VPS13B: variants seen among roughly 807,000 people sequenced by gnomAD.
VPS13B encodes intermembrane lipid transfer protein VPS13B.
In VPS13B, 285 loss-of-function variants were observed where a neutral mutation model predicts 426.4. The ratio of observed to expected loss-of-function variants is 0.67; its 90% CI spans 0.61 to 0.74. The LOEUF (loss-of-function observed/expected upper bound fraction) is 0.74, where lower values mean the gene tolerates loss of function less well. Among genes scored for constraint, VPS13B ranks in the 30% least tolerant of loss-of-function variants. The pLI is 0.00. For missense variants in VPS13B, 4,537 were observed against 4,782.6 expected (o/e 0.95, Z 1.51); for synonymous variants, 1,676 against 1,676.4 (o/e 1.00, Z 0.01).
chr8:99,516,941 AT>A (rs1398003347), intron 29 of VPS13B, among the ~76,000 whole-genome samples: 3 of 152,148 alleles, frequency 2.0e-5, no homozygotes, highest in African/African-American at 7.2e-5. Flanking sequence ...AGAGTAAGTA[AT>A]CTGTGTCAAA....
chr8:99,279,362 A>T (rs946961836), intron 19 of VPS13B, among the ~76,000 whole-genome samples: 1 of 151,098 alleles, frequency 6.6e-6, no homozygotes, highest in East Asian at 1.9e-4. Context: ...GCTCACTGCA[A>T]CCTCCGCTTC....
intron 3 of VPS13B, among the ~76,000 whole-genome samples, chr8:99,040,350 G>A (rs571813742): frequency 1.3e-5 from 2 of 152,244 alleles, no homozygotes; most frequent in African/African-American, 2.4e-5. Flanking sequence ...GGTTTGTACA[G>A]CAAAAGGTTA....
At position 99,501,681 on chromosome 8, in the gene VPS13B, T is replaced by C; in HGVS notation, c.3871-6T>C. The C allele has an allele frequency of 2.5e-6, 4 of 1,613,952 alleles. No homozygotes were observed. The highest frequency in any genetic ancestry group is 3.4e-6 in the Non-Finnish European group (4 of 1,179,900). On this transcript the variant is annotated splice_region_variant and splice_polypyrimidine_tract_variant and intron_variant, in intron 25 of 61. Coordinates refer to ENST00000357162, the MANE Select transcript of VPS13B (RefSeq NM_152564.5). ...AAAGTAAGATTTTTTTTTCTCCTCA[T>C]CCCAGGGAGATTCTATACAAGCAGG...
intron 33 of VPS13B, among the ~76,000 whole-genome samples, chr8:99,633,836 T>TGTGTGTGTGTGTGTGC: frequency 1.3e-5 from 2 of 151,450 alleles, no homozygotes; most frequent in South Asian, 2.1e-4. Flanking sequence ...TGTGTGTGTG[T>TGTGTGTGTGTGTGTGC]GTGCGTGTTT....
chr8:99,022,371 G>T (rs1841940963), intron 2 of VPS13B, among the ~76,000 whole-genome samples: 1 of 151,648 alleles, frequency 6.6e-6, no homozygotes, highest in Admixed American at 6.6e-5. Context: ...TAATTATTGG[G>T]TTATTATTTG....
At chr8:99,724,910 A>G (rs913643342) in intron 39 of VPS13B, among the ~76,000 whole-genome samples, 2 of 151,992 alleles carry the variant, frequency 1.3e-5, no homozygotes, top group Admixed American at 6.6e-5. Context: ...CCATCCCCCA[A>G]TTTTGCCTTG....
Position 99,674,534 on chromosome 8 carries a change from C to T in VPS13B, c.6046+13043C>T, listed in dbSNP as rs541359108. 2.2e-4 allele frequency among the ~76,000 whole-genome samples: 34 copies of T among 151,950 alleles called. 1 individual carries two copies. The highest frequency in any genetic ancestry group is 6.0e-4 in the African/African-American group (25 of 41,506). Reference sequence around the variant, plus strand: ...TGTGTTTTTATAATCTATTAATTTGCTCTTTCTTTTCATTGGTGAACGTAA... The same window carrying T: ...TGTGTTTTTATAATCTATTAATTTGTTCTTTCTTTTCATTGGTGAACGTAA... On this transcript the variant is annotated intron_variant, in intron 35 of 61. Coordinates refer to ENST00000357162, the MANE Select transcript of VPS13B (RefSeq NM_152564.5).
chr8:99,230,637 A>T (rs180723441), intron 17 of VPS13B, among the ~76,000 whole-genome samples: 1 of 152,196 alleles, frequency 6.6e-6, no homozygotes, highest in African/African-American at 2.4e-5. Context: ...TTACCTCTTT[A>T]ACAATCAGTT....
At chr8:99,585,663 T>C (rs987128975) in intron 33 of VPS13B, among the ~76,000 whole-genome samples, 2 of 152,044 alleles carry the variant, frequency 1.3e-5, no homozygotes, top group Non-Finnish European at 2.9e-5. Flanking sequence ...AAACTAGGAA[T>C]AGAAGGGAGC....
At chr8:99,376,987 G>A (rs1171915574) in intron 19 of VPS13B, among the ~76,000 whole-genome samples, 1 of 151,912 alleles carries the variant, frequency 6.6e-6, no homozygotes. Flanking sequence ...ATATATGTAA[G>A]TATTGAATTA....
At chr8:99,560,608 G>A (rs1282429852) in intron 31 of VPS13B, among the ~76,000 whole-genome samples, 1 of 152,190 alleles carries the variant, frequency 6.6e-6, no homozygotes, top group African/African-American at 2.4e-5. Context: ...AAATTTGGAT[G>A]AAGAAGCACA....
At chr8:99,226,536 T>G (rs1178038210) in intron 17 of VPS13B, among the ~76,000 whole-genome samples, 1 of 152,212 alleles carries the variant, frequency 6.6e-6, no homozygotes, top group Non-Finnish European at 1.5e-5. Context: ...TGTATCTTCA[T>G]GCATGTTGAT....
At chr8:99,512,528 TATA>T (rs1821844566) in intron 29 of VPS13B, among the ~76,000 whole-genome samples, 2 of 152,198 alleles carry the variant, frequency 1.3e-5, no homozygotes, top group South Asian at 2.1e-4. Context: ...TAGTTTCAGT[TATA>T]ATAACATTTT....
intron 17 of VPS13B, among the ~76,000 whole-genome samples, chr8:99,246,863 C>A (rs1289855724): frequency 3.4e-5 from 5 of 145,368 alleles, no homozygotes; most frequent in Admixed American, 2.0e-4. Flanking sequence ...AAAAAAAAAA[C>A]AAAAAAAGAT....
chr8:99,695,841 GA>G (rs1831960741), intron 35 of VPS13B: 1 of 152,188 alleles, frequency 6.6e-6, no homozygotes, highest in African/African-American at 2.4e-5. Flanking sequence ...GATGTCTGAG[GA>G]AGGTGAGAAG....
intron 19 of VPS13B, 43 bp downstream of exon 19, chr8:99,275,297 T>C: frequency 6.6e-7 from 1 of 1,506,258 alleles, no homozygotes; most frequent in Non-Finnish European, 8.8e-7. Context: ...TGCTTTTTTT[T>C]TTTTTTTTTT....
At chr8:99,631,373 G>A (rs1026311996) in intron 33 of VPS13B, among the ~76,000 whole-genome samples, 2 of 152,008 alleles carry the variant, frequency 1.3e-5, no homozygotes, top group African/African-American at 2.4e-5. Flanking sequence ...AATGGTTCTC[G>A]GCTGATTAAT....
intron 39 of VPS13B, among the ~76,000 whole-genome samples, chr8:99,761,753 A>G (rs1348238537): frequency 6.6e-6 from 1 of 152,130 alleles, no homozygotes; most frequent in East Asian, 1.9e-4. Context: ...TTTTGGGTGG[A>G]TGATAGGCAA....
chr8:99,060,472 G>A (rs1489967791), intron 3 of VPS13B, among the ~76,000 whole-genome samples: 1 of 152,014 alleles, frequency 6.6e-6, no homozygotes, highest in Non-Finnish European at 1.5e-5. Context: ...AGCCGGGTGT[G>A]GTGGCAGGCA....
Sources: gnomAD v4.1 joint callset for allele counts (sites outside exome capture counted in the v4.1 genomes callset) on GRCh38, gnomAD v4.1.1 for gene constraint, MANE v1.5 for transcripts, NCBI Gene and HGNC (gene_info 2026-07-23, HGNC 2026-07-21) for gene names.